GFPT1: variants seen among roughly 807,000 people sequenced by gnomAD.
The protein encoded by GFPT1 is glutamine--fructose-6-phosphate transaminase 1, also known as glutamine--fructose-6-phosphate aminotransferase [isomerizing] 1.
Under a neutral mutation model 92.0 loss-of-function variants are expected in GFPT1, and 40 were observed. The observed-to-expected ratio is 0.43, with a 90% CI of 0.34 to 0.57. GFPT1 has a LOEUF of 0.57. Ranked by LOEUF, GFPT1 falls within the 20% of genes least tolerant of loss-of-function variation. The probability of loss-of-function intolerance (pLI) is 0.02; values close to 1 mark genes in which losing one functional copy is unlikely to be tolerated. For missense variants in GFPT1, 448 were observed against 869.1 expected (o/e 0.52, Z 6.09); for synonymous variants, 269 against 280.6 (o/e 0.96, Z 0.41).
chr2:69,344,186 C>CAAAAAA (rs10602884), intron 12 of GFPT1, among the ~76,000 whole-genome samples: 51 of 64,390 alleles, frequency 7.9e-4, no homozygotes, highest in Admixed American at 1.3e-3. Flanking sequence ...AAAAGCAAAG[C>CAAAAAA]AAAAAAAAAA....
At chr2:69,342,377 T>C in intron 12 of GFPT1, 128 bp from the exon 13 acceptor site, 1 of 705,870 alleles carries the variant, frequency 1.4e-6, no homozygotes, top group South Asian at 1.6e-5. Context: ...ATATTCCTCT[T>C]GGAAAGCACA....
chr2:69,356,822 C>T (rs1020290594), intron 6 of GFPT1, among the ~76,000 whole-genome samples: 5 of 151,982 alleles, frequency 3.3e-5, no homozygotes, highest in Admixed American at 6.6e-5. Flanking sequence ...ACTGCAACCC[C>T]CAACTCCCTG....
chr2:69,386,497 G>C (rs1394118249), intron 1 of GFPT1, among the ~76,000 whole-genome samples: 2 of 152,232 alleles, frequency 1.3e-5, no homozygotes, highest in African/African-American at 2.4e-5. Context: ...CTAAGCCCAT[G>C]AACCAAGTTA....
At chr2:69,367,357 T>C (rs1026883763) in intron 3 of GFPT1, among the ~76,000 whole-genome samples, 1 of 151,974 alleles carries the variant, frequency 6.6e-6, no homozygotes, top group Non-Finnish European at 1.5e-5. Flanking sequence ...GTTGTTGTTG[T>C]TGTTGTTGTT....
intron 15 of GFPT1, among the ~76,000 whole-genome samples, chr2:69,335,273 C>G (rs1670767856): frequency 6.6e-6 from 1 of 152,046 alleles, no homozygotes; most frequent in African/African-American, 2.4e-5. Flanking sequence ...TCCCAAAGTG[C>G]CAGGATAACA....
intron 15 of GFPT1, among the ~76,000 whole-genome samples, chr2:69,336,461 T>A (rs956599358): frequency 2.6e-5 from 4 of 152,006 alleles, no homozygotes; most frequent in African/African-American, 9.7e-5. Context: ...TGCAGTTATG[T>A]ACACATTAAC....
intron 18 of GFPT1, among the ~76,000 whole-genome samples, chr2:69,327,742 A>C (rs1670564536): frequency 6.6e-6 from 1 of 152,284 alleles, no homozygotes; most frequent in Non-Finnish European, 1.5e-5. Context: ...GGATGTGGAG[A>C]CCAAGACCTC....
At chr2:69,345,529 T>C (rs1420851002) in intron 12 of GFPT1, among the ~76,000 whole-genome samples, 1 of 152,234 alleles carries the variant, frequency 6.6e-6, no homozygotes, top group African/African-American at 2.4e-5. Context: ...ATTTTAACTA[T>C]GTTTAAATGT....
chr2:69,354,448 T>C (rs937252213), intron 8 of GFPT1, 41 bp downstream of exon 8: 1 of 1,337,754 alleles, frequency 7.5e-7, no homozygotes, highest in Non-Finnish European at 1.1e-6. Flanking sequence ...GGAAAATAAT[T>C]CTTCATATCT....
chr2:69,362,071 A>G (rs1478702029), intron 4 of GFPT1, among the ~76,000 whole-genome samples: 1 of 152,160 alleles, frequency 6.6e-6, no homozygotes. Flanking sequence ...TTTTTAAATG[A>G]AAGAACAGAC....
chr2:69,384,678 A>AGAG (rs1458269450), intron 1 of GFPT1, among the ~76,000 whole-genome samples: 1 of 139,868 alleles, frequency 7.1e-6, no homozygotes, highest in Non-Finnish European at 1.5e-5. Flanking sequence ...TGGGCGACAG[A>AGAG]GAGAGGCCCC....
Position 69,353,605 on chromosome 2 carries a change from A to G in GFPT1, c.739+654T>C, listed in dbSNP as rs185004879. 4.7e-3 allele frequency among the ~76,000 whole-genome samples: 715 copies of G among 152,144 alleles called. 10 individuals carry two copies. Among genetic ancestry groups the G allele is most frequent in the Admixed American group, 0.011 (174 of 15,282 alleles). On this transcript the variant is annotated intron_variant, in intron 9 of 19. Coordinates refer to ENST00000357308, the MANE Select transcript of GFPT1 (RefSeq NM_001244710.2). ...CTATTTGAGAGGCTGAGGCAAGAGG[A>G]TCCACCTGAGCCCAAGAGTTCGAAA...
rs572587159 is a variant in GFPT1, at chr2:69,361,312, G to A, written c.350-1986C>T. 1.7e-4 allele frequency among the ~76,000 whole-genome samples: 26 copies of A among 151,990 alleles called. No individual in the cohort carries two copies. In the South Asian group the frequency reaches 5.0e-3, roughly 29 times the overall value. ...AAAATACAAAAAATTGCCAGGCGTG[G>A]TGTCAGGCGCCTGTAATTCCAGCTA... is the stretch of plus-strand genomic sequence containing the variant. On this transcript the variant is annotated intron_variant, in intron 4 of 19. Coordinates refer to ENST00000357308, the MANE Select transcript of GFPT1 (RefSeq NM_001244710.2).
At chr2:69,370,252 T>C (rs1671712348) in intron 2 of GFPT1, 144 bp from the exon 3 acceptor site, 1 of 663,326 alleles carries the variant, frequency 1.5e-6, no homozygotes, top group Non-Finnish European at 2.7e-6. Context: ...ACTGAAAACC[T>C]ATTGTGTGTC....
intron 1 of GFPT1, among the ~76,000 whole-genome samples, chr2:69,385,013 T>C (rs1261226836): frequency 6.6e-6 from 1 of 152,170 alleles, no homozygotes; most frequent in Non-Finnish European, 1.5e-5. Context: ...ACCCTATCCC[T>C]AGAATCAGGC....
At chr2:69,378,211 G>A (rs1399630782) in intron 1 of GFPT1, among the ~76,000 whole-genome samples, 2 of 152,144 alleles carry the variant, frequency 1.3e-5, no homozygotes, top group African/African-American at 4.8e-5. Context: ...TCGCCATGTT[G>A]GCTAGGCTGG....
intron 1 of GFPT1, among the ~76,000 whole-genome samples, chr2:69,377,140 A>T (rs917876619): frequency 6.8e-6 from 1 of 146,788 alleles, no homozygotes; most frequent in Admixed American, 7.0e-5. Context: ...CCTGGGAGGC[A>T]GAGGTTGCAG....
chr2:69,363,490 GCCC>G, intron 4 of GFPT1, 52 bp downstream of exon 4: 1 of 1,532,332 alleles, frequency 6.5e-7, no homozygotes, highest in South Asian at 1.1e-5. Flanking sequence ...CCTTCATTCT[GCCC>G]CCATTATTAG....
intron 12 of GFPT1, among the ~76,000 whole-genome samples, chr2:69,345,180 C>T (rs902271512): frequency 6.6e-6 from 1 of 151,970 alleles, no homozygotes; most frequent in African/African-American, 2.4e-5. Flanking sequence ...CACTTGAACC[C>T]GGGAGGCAGC....
Sources: allele counts gnomAD v4.1 joint callset (sites outside exome capture counted in the v4.1 genomes callset), GRCh38; gene constraint gnomAD v4.1.1; transcripts MANE v1.5; gene names NCBI Gene and HGNC (gene_info 2026-07-23, HGNC 2026-07-21).